Variants in GLRA1 observed in about 807,000 individuals in gnomAD.
GLRA1 encodes the protein glycine receptor subunit alpha-1.
Under a neutral mutation model 48.3 loss-of-function variants are expected in GLRA1, and 37 were observed. The ratio of observed to expected loss-of-function variants is 0.77; its 90% confidence interval spans 0.59 to 1.01. The LOEUF (loss-of-function observed/expected upper bound fraction) is 1.01, where lower values mean the gene tolerates loss of function less well. GLRA1 is among the 50% of genes least tolerant of loss of function. GLRA1 has a pLI of 0.00. For synonymous variants in GLRA1, 196 were observed against 210.7 expected (o/e 0.93, Z 0.60); for missense variants, 427 against 571.0 (o/e 0.75, Z 2.57).
chr5:151,871,662 G>C (rs1373081379), intron 3 of GLRA1, among the ~76,000 whole-genome samples: 1 of 148,550 alleles, frequency 6.7e-6, no homozygotes, highest in Non-Finnish European at 1.5e-5. Flanking sequence ...CTGGGTTCAT[G>C]CCATTCTCCT....
At chr5:151,880,888 C>T (rs927105308) in intron 3 of GLRA1, among the ~76,000 whole-genome samples, 2 of 152,182 alleles carry the variant, frequency 1.3e-5, no homozygotes, top group African/African-American at 4.8e-5. Flanking sequence ...GAAAATAATA[C>T]ACTCCATGCA....
intron 3 of GLRA1, among the ~76,000 whole-genome samples, chr5:151,883,841 A>C (rs997660883): frequency 5.3e-5 from 8 of 152,212 alleles, no homozygotes; most frequent in African/African-American, 1.9e-4. Context: ...TGGGCTTTGA[A>C]GACTGTGTCT....
At chr5:151,899,822 C>T (rs1754319812) in intron 1 of GLRA1, among the ~76,000 whole-genome samples, 1 of 152,148 alleles carries the variant, frequency 6.6e-6, no homozygotes, top group African/African-American at 2.4e-5. Context: ...GCCCAATTCA[C>T]CTCAGGGTCT....
In GLRA1 at chr5:151,859,968, TCGTTCCATTGCTGC is replaced by T; in HGVS notation, c.279_292del (p.Gln94ProfsTer6). The T allele has an allele frequency of 6.2e-7, 1 of 1,613,852 alleles. No individual in the cohort carries two copies. The highest frequency in any genetic ancestry group is 8.5e-7 in the Non-Finnish European group (1 of 1,179,942). Reference sequence around the variant, plus strand: ...GTATTCATTATAGGCCAGGCGGGGGTCGTTCCATTGCTGCCGCAGGAAGATGTTGACCCTATAGT... The same window carrying T: ...GTATTCATTATAGGCCAGGCGGGGGTCGCAGGAAGATGTTGACCCTATAGT... On this transcript the variant is annotated frameshift_variant, in exon 4 of 9. Coordinates refer to ENST00000274576, the MANE Select transcript of GLRA1 (RefSeq NM_000171.4). LOFTEE classifies it high-confidence loss of function.
chr5:151,913,896 G>A (rs965224041), intron 1 of GLRA1, among the ~76,000 whole-genome samples: 3 of 152,184 alleles, frequency 2.0e-5, no homozygotes, highest in South Asian at 2.1e-4. Context: ...TGTCAGGCAC[G>A]AAGGAAGCAC....
chr5:151,915,803 C>G (rs888696777), intron 1 of GLRA1, among the ~76,000 whole-genome samples: 3 of 151,766 alleles, frequency 2.0e-5, no homozygotes, highest in Admixed American at 1.3e-4. Context: ...AAGGGGATCT[C>G]AGGCTTTGGT....
chr5:151,879,625 A>G (rs997133761), intron 3 of GLRA1, among the ~76,000 whole-genome samples: 3 of 152,218 alleles, frequency 2.0e-5, no homozygotes, highest in Non-Finnish European at 4.4e-5. Context: ...TGTTGGGATT[A>G]CAGGCATGAA....
chr5:151,904,956 G>A (rs543915923), intron 1 of GLRA1, among the ~76,000 whole-genome samples: 83 of 152,218 alleles, frequency 5.5e-4, no homozygotes, highest in Admixed American at 1.9e-3. Context: ...AGCAATCTCA[G>A]GTAGTTCTAC....
chr5:151,850,011 T>G lies in GLRA1; in HGVS notation c.912+1379A>C, dbSNP rs540961852. 6.9e-6 allele frequency: 11 copies of G among 1,602,806 alleles called. No homozygotes were observed. The Admixed American group carries it at 1.5e-4, about 22-fold the overall frequency. The stretch of plus-strand genomic sequence containing the variant: ...ACAACCGAAAGCCTGCAGTGACCAA[T>G]TTGAGGCACACTTGTAAGTGGATAA... On this transcript the variant is annotated intron_variant, in intron 7 of 8. Transcript: ENST00000274576.
At chr5:151,899,641 A>C (rs1248784215) in intron 1 of GLRA1, among the ~76,000 whole-genome samples, 2 of 152,162 alleles carry the variant, frequency 1.3e-5, no homozygotes, top group East Asian at 1.9e-4. Flanking sequence ...GAGTTGGATC[A>C]TCAGGTCAGC....
rs760903159 is a variant in GLRA1 at position 151,856,402 on chromosome 5, T to C, written c.477-19A>G. The C allele has an allele frequency of 3.9e-6, 6 of 1,526,536 alleles. No individual in the cohort carries two copies. The highest frequency in any genetic ancestry group is 5.5e-6 in the Non-Finnish European group (6 of 1,100,586). The allele number at this position is 1,526,536 out of a possible 1,614,324, so 94.6% of individuals were successfully genotyped here. The stretch of plus-strand genomic sequence containing the variant: ...GGTGATTCTGGGAAGAGAAGGGATT[T>C]TGAATGATGCAGGATCTGCACATCA... On this transcript the variant is annotated intron_variant, in intron 4 of 8. Coordinates refer to ENST00000274576, the MANE Select transcript of GLRA1 (RefSeq NM_000171.4).
intron 7 of GLRA1, among the ~76,000 whole-genome samples, chr5:151,840,347 C>T (rs150249697): frequency 9.7e-4 from 147 of 152,208 alleles, no homozygotes; most frequent in Non-Finnish European, 1.6e-3. Flanking sequence ...AACCTACCTG[C>T]CTCAGCCTCC....
chr5:151,844,745 A>T (rs1752623127), intron 7 of GLRA1, among the ~76,000 whole-genome samples: 2 of 152,072 alleles, frequency 1.3e-5, no homozygotes, highest in Admixed American at 1.3e-4. Context: ...TGATACTATC[A>T]ACCAAGTGAA....
chr5:151,833,411 C>T (rs574220831), intron 7 of GLRA1, among the ~76,000 whole-genome samples: 7 of 152,216 alleles, frequency 4.6e-5, no homozygotes, highest in South Asian at 2.1e-4. Flanking sequence ...ACCAATCTCA[C>T]GTGCAAAGAC....
chr5:151,924,217 A>G (rs1754949630), intron 1 of GLRA1, among the ~76,000 whole-genome samples: 1 of 151,890 alleles, frequency 6.6e-6, no homozygotes, highest in Non-Finnish European at 1.5e-5. Flanking sequence ...GGTGTAGCAG[A>G]CAGAAGGACA....
intron 4 of GLRA1, among the ~76,000 whole-genome samples, chr5:151,857,129 C>T (rs1458810000): frequency 6.6e-6 from 1 of 152,226 alleles, no homozygotes; most frequent in Admixed American, 6.5e-5. Context: ...CCTCTTTTCC[C>T]ACCCCACCTC....
intron 3 of GLRA1, among the ~76,000 whole-genome samples, chr5:151,871,945 A>G (rs1753497740): frequency 6.7e-6 from 1 of 149,818 alleles, no homozygotes; most frequent in East Asian, 1.9e-4. Flanking sequence ...GTTAAGAAAA[A>G]CTTGTAAATG....
chr5:151,889,820 A>G lies in GLRA1; in HGVS notation c.184+2491T>C, dbSNP rs1401680032. The stretch of plus-strand genomic sequence containing the variant: ...TCAGGGCAAGAAAATCCTCTCAGCA[A>G]TTTTTCAGGCCTCAGTACAAAGGAG... On this transcript the variant is annotated intron_variant, in intron 2 of 8. Coordinates refer to ENST00000274576, the MANE Select transcript of GLRA1 (RefSeq NM_000171.4). 2.6e-5 allele frequency among the ~76,000 whole-genome samples: 4 copies of G among 152,112 alleles called. No homozygotes were observed. In the South Asian group the frequency reaches 8.3e-4, roughly 32 times the overall value.
chr5:151,903,245 T>G (rs1754405108), intron 1 of GLRA1, among the ~76,000 whole-genome samples: 2 of 152,316 alleles, frequency 1.3e-5, no homozygotes, highest in Admixed American at 6.5e-5. Context: ...CAATCCTCAG[T>G]AGGCACTGAG....
Sources: gnomAD v4.1 joint callset for allele counts (sites outside exome capture counted in the v4.1 genomes callset) on GRCh38, gnomAD v4.1.1 for gene constraint, MANE v1.5 for transcripts, NCBI Gene and HGNC (gene_info 2026-07-23, HGNC 2026-07-21) for gene names.